The following FAM178B variants were observed in gnomAD, a reference collection of about 807,000 sequenced individuals.
FAM178B encodes family with sequence similarity 178 member B.
Under a neutral mutation model 91.7 loss-of-function variants are expected in FAM178B, and 82 were observed. The ratio of observed to expected loss-of-function variants is 0.89; its 90% confidence interval spans 0.75 to 1.07. FAM178B has a LOEUF of 1.07. Among genes scored for constraint, FAM178B ranks in the 50% least tolerant of loss-of-function variants. FAM178B has a pLI of 0.00. For synonymous variants in FAM178B, 368 were observed against 359.4 expected, an observed-to-expected ratio of 1.02 and a Z score of -0.27; for missense variants, 769 against 846.7, an observed-to-expected ratio of 0.91 and a Z score of 1.14.
At chr2:96,895,556 C>A (rs575909683) in intron 13 of FAM178B, among the ~76,000 whole-genome samples, 1 of 152,358 alleles carries the variant, frequency 6.6e-6, no homozygotes, top group Admixed American at 6.5e-5. Flanking sequence ...CTGGGCCCAG[C>A]CCCAGCAAGG....
In FAM178B at chr2:96,910,902, G is replaced by T. The variant is rs140629024; in HGVS notation, c.1563-8195C>A. On this transcript the variant is annotated intron_variant, in intron 12 of 16. Transcript: ENST00000490605. ...ACAACCTCAGCCTCCTGAGTAGCTG[G>T]GACTACAGGTGCACACCACAATGCC... 2.3e-3 allele frequency among the ~76,000 whole-genome samples: 342 copies of T among 151,478 alleles called. 11 individuals carry two copies. In the East Asian group the frequency reaches 0.062, roughly 27 times the overall value.
chr2:96,882,255 T>G (rs961328122), intron 14 of FAM178B, among the ~76,000 whole-genome samples: 1 of 152,178 alleles, frequency 6.6e-6, no homozygotes, highest in Non-Finnish European at 1.5e-5. Flanking sequence ...AACTGGGAAC[T>G]CTGTAGCCAG....
chr2:96,894,101 CT>C lies in FAM178B; in HGVS notation c.1651-51del, dbSNP rs1281341117. The C allele has an allele frequency of 1.9e-6, 3 of 1,558,720 alleles. No individual in the cohort carries two copies. The South Asian group carries it at 3.5e-5, about 18-fold the overall frequency. On this transcript the variant is annotated intron_variant, in intron 13 of 16. Coordinates refer to ENST00000490605, the MANE Select transcript of FAM178B (RefSeq NM_001122646.3). Reference sequence around the variant, plus strand: ...ACTCACAGAGGGTGGTGGCCAAGAGCTCAGGGTGCTCCCGGGAATCGGCCTG... The same window carrying C: ...ACTCACAGAGGGTGGTGGCCAAGAGCCAGGGTGCTCCCGGGAATCGGCCTG...
intron 14 of FAM178B, among the ~76,000 whole-genome samples, chr2:96,880,377 G>C (rs947891801): frequency 3.3e-5 from 5 of 152,134 alleles, no homozygotes; most frequent in African/African-American, 9.7e-5. Flanking sequence ...GGGACAACCT[G>C]GGGGGCAGAG....
chr2:96,967,456 C>T lies in FAM178B; in HGVS notation c.734+64G>A, dbSNP rs147430885. On this transcript the variant is annotated intron_variant, in intron 5 of 16. Coordinates refer to ENST00000490605, the MANE Select transcript of FAM178B (RefSeq NM_001122646.3). Reference sequence around the variant, plus strand: ...ATGTTGGTCAAAACTCTGTCCAAAACCAGAGGGGGTTGGCACCTCAGTCTT... The same window carrying T: ...ATGTTGGTCAAAACTCTGTCCAAAATCAGAGGGGGTTGGCACCTCAGTCTT... The T allele has an allele frequency of 3.9e-6, 4 of 1,034,910 alleles. No homozygotes were observed. The East Asian group carries it at 7.8e-5, about 20-fold the overall frequency. The allele number at this position is 1,034,910 out of a possible 1,614,324, so 64.1% of individuals were successfully genotyped here.
intron 12 of FAM178B, among the ~76,000 whole-genome samples, chr2:96,903,979 A>G (rs2080983017): frequency 6.6e-6 from 1 of 152,196 alleles, no homozygotes; most frequent in East Asian, 1.9e-4. Flanking sequence ...ACCGCACCCC[A>G]GAAGAGCCAA....
In FAM178B at chr2:96,914,377, G is replaced by A. The variant is rs376074053; in HGVS notation, c.1562+6788C>T. ...AGGGAGGGTGGGCATCAAGACACAAGTGCCCAGTGCACCGCAGGGACAGGG... is the reference window on the plus strand; with the variant it reads ...AGGGAGGGTGGGCATCAAGACACAAATGCCCAGTGCACCGCAGGGACAGGG... On this transcript the variant is annotated intron_variant, in intron 12 of 16. Coordinates refer to ENST00000490605, the MANE Select transcript of FAM178B (RefSeq NM_001122646.3). 1.5e-4 allele frequency among the ~76,000 whole-genome samples: 23 copies of A among 152,342 alleles called. 1 individual carries two copies. In the South Asian group the frequency reaches 4.6e-3, roughly 30 times the overall value.
At chr2:96,966,234 C>T (rs2082141719) in intron 5 of FAM178B, among the ~76,000 whole-genome samples, 1 of 152,090 alleles carries the variant, frequency 6.6e-6, no homozygotes, top group Non-Finnish European at 1.5e-5. Context: ...CGAGGTGCTG[C>T]TTAGAAGACC....
chr2:96,941,837 C>T (rs565354858), intron 8 of FAM178B, among the ~76,000 whole-genome samples: 89 of 152,302 alleles, frequency 5.8e-4, no homozygotes, highest in Non-Finnish European at 1.0e-3. Context: ...GCTCCTTTTC[C>T]GAAGACATTG....
At chr2:96,965,604 G>A (rs535667425) in intron 5 of FAM178B, among the ~76,000 whole-genome samples, 4 of 152,066 alleles carry the variant, frequency 2.6e-5, no homozygotes, top group South Asian at 2.1e-4. Context: ...CTGGAACTAC[G>A]GGCATGTGCC....
chr2:96,935,021 C>T (rs1559082799), intron 8 of FAM178B, among the ~76,000 whole-genome samples: 1 of 152,212 alleles, frequency 6.6e-6, no homozygotes, highest in Admixed American at 6.5e-5. Flanking sequence ...CTGTAACTCA[C>T]ACCACTGCCT....
In FAM178B at chr2:96,889,841, G is replaced by C. The variant is rs183750123; in HGVS notation, c.1776+4085C>G. On this transcript the variant is annotated intron_variant, in intron 14 of 16. Coordinates refer to ENST00000490605, the MANE Select transcript of FAM178B (RefSeq NM_001122646.3). ...TGACAGCCAAAATATCAATAATCTC[G>C]ATGGAATTGAATTGGGGCCCGTTGA... is the stretch of plus-strand genomic sequence containing the variant. Among the ~76,000 whole-genome samples, 131 of 151,846 alleles carry C rather than the reference G, an allele frequency of 8.6e-4. No homozygotes were observed. In the Middle Eastern group the frequency reaches 0.014, roughly 16 times the overall value.
intron 16 of FAM178B, among the ~76,000 whole-genome samples, chr2:96,877,426 G>C (rs1289576336): frequency 7.1e-6 from 1 of 139,864 alleles, no homozygotes; most frequent in Non-Finnish European, 1.5e-5. Context: ...TTTTTGAGAT[G>C]GAGTCTTGCC....
intron 7 of FAM178B, chr2:96,950,191 C>T: frequency 1.0e-6 from 1 of 985,030 alleles, no homozygotes. Flanking sequence ...CAGATGGGTC[C>T]TTTGTGCCTC....
chr2:96,934,724 T>C (rs1043990044), intron 8 of FAM178B, among the ~76,000 whole-genome samples: 21 of 152,066 alleles, frequency 1.4e-4, no homozygotes, highest in African/African-American at 4.4e-4. Flanking sequence ...CTGGTCTCTC[T>C]CTCACCGGCT....
chr2:96,979,268 C>T (rs2082331109), intron 1 of FAM178B, among the ~76,000 whole-genome samples: 1 of 142,764 alleles, frequency 7.0e-6, no homozygotes, highest in Non-Finnish European at 1.5e-5. Flanking sequence ...AGCCACTGCG[C>T]CCAGGCATTT....
chr2:96,879,544 C>G (rs2080328172), intron 14 of FAM178B, among the ~76,000 whole-genome samples: 1 of 152,262 alleles, frequency 6.6e-6, no homozygotes, highest in Non-Finnish European at 1.5e-5. Flanking sequence ...TTGGTACCAT[C>G]AACTGACTTC....
At chr2:96,960,027 G>A (rs1057121879) in intron 6 of FAM178B, among the ~76,000 whole-genome samples, 1 of 152,168 alleles carries the variant, frequency 6.6e-6, no homozygotes, top group Admixed American at 6.5e-5. Context: ...GTGTAGGGGA[G>A]GGAAAAGCAA....
intron 14 of FAM178B, 57 bp downstream of exon 14, chr2:96,893,869 G>T: frequency 6.4e-7 from 1 of 1,573,418 alleles, no homozygotes; most frequent in South Asian, 1.1e-5. Flanking sequence ...GCCTTTCCCT[G>T]CTACCTGTGG....
Sources: gnomAD v4.1 joint callset for allele counts (sites outside exome capture counted in the v4.1 genomes callset) on GRCh38, gnomAD v4.1.1 for gene constraint, MANE v1.5 for transcripts, NCBI Gene and HGNC (gene_info 2026-07-23, HGNC 2026-07-21) for gene names.